The following CNTN5 variants were observed in gnomAD, a reference collection of about 807,000 sequenced individuals.
CNTN5 encodes the protein contactin 5.
In CNTN5, 77 loss-of-function variants were observed where a neutral mutation model predicts 129.1. The ratio of observed to expected loss-of-function variants is 0.60; its 90% CI spans 0.50 to 0.72. The LOEUF (loss-of-function observed/expected upper bound fraction) is 0.72. CNTN5 is among the 30% of genes least tolerant of loss of function. CNTN5 has a pLI of 0.00. For missense variants in CNTN5, 1,478 were observed against 1,328.8 expected (o/e 1.11, Z -1.75); for synonymous variants, 509 against 465.6 (o/e 1.09, Z -1.20).
chr11:100,252,114 T>C (rs2138714453), intron 16 of CNTN5, among the ~76,000 whole-genome samples: 1 of 152,284 alleles, frequency 6.6e-6, no homozygotes, highest in South Asian at 2.1e-4. Flanking sequence ...CCGTCCTAAC[T>C]GGGGTGAGAT....
At chr11:99,352,210 A>T (rs889256816) in intron 2 of CNTN5, among the ~76,000 whole-genome samples, 3 of 152,178 alleles carry the variant, frequency 2.0e-5, no homozygotes, top group African/African-American at 4.8e-5. Flanking sequence ...GTTCCCACAA[A>T]GACTGCTTTC....
At position 99,263,355 on chromosome 11, in the gene CNTN5, G is replaced by A. The variant is rs573927373; in HGVS notation, c.-209-61991G>A. On this transcript the variant is annotated intron_variant, in intron 1 of 24. Coordinates refer to ENST00000524871, the MANE Select transcript of CNTN5 (RefSeq NM_014361.4). ...TTGTGCATGTCAATTGAGCTTTATCGTCTTCAAATCTTATGAATATCAAAA... is the reference window on the plus strand; with the variant it reads ...TTGTGCATGTCAATTGAGCTTTATCATCTTCAAATCTTATGAATATCAAAA... 1.4e-4 allele frequency among the ~76,000 whole-genome samples: 22 copies of A among 152,086 alleles called. No homozygotes were observed. In the Middle Eastern group the frequency reaches 0.014, roughly 94 times the overall value.
chr11:100,051,284 C>T (rs752023329), intron 9 of CNTN5, among the ~76,000 whole-genome samples: 3 of 151,984 alleles, frequency 2.0e-5, no homozygotes, highest in Admixed American at 1.3e-4. Context: ...AGACTAAAAA[C>T]GAAGAGCGTA....
Position 99,986,007 on chromosome 11 carries a change from A to G in CNTN5, c.878-16027A>G, listed in dbSNP as rs190972686. Among the ~76,000 whole-genome samples, 132 of 152,304 alleles carry G rather than the reference A, an allele frequency of 8.7e-4. 1 individual carries two copies. Among genetic ancestry groups the G allele is most frequent in the African/African-American group, 2.8e-3 (117 of 41,562 alleles). On this transcript the variant is annotated intron_variant, in intron 8 of 24. Transcript: ENST00000524871. ...TTCATCACAATCTCAATTTCAAGTA[A>G]GCCATTTTCTGCTGAAAGCCTCTTT...
chr11:99,648,329 C>G (rs1952039551), intron 3 of CNTN5, among the ~76,000 whole-genome samples: 1 of 151,516 alleles, frequency 6.6e-6, no homozygotes, highest in African/African-American at 2.4e-5. Context: ...TTCAGCATTA[C>G]TAATGATCAG....
chr11:99,264,327 C>A (rs570902542), intron 1 of CNTN5, among the ~76,000 whole-genome samples: 1 of 151,580 alleles, frequency 6.6e-6, no homozygotes, highest in African/African-American at 2.4e-5. Flanking sequence ...CTTTTTTGCA[C>A]TTAATTATAA....
chr11:100,301,619 A>G (rs751572954), intron 20 of CNTN5, among the ~76,000 whole-genome samples: 2 of 151,660 alleles, frequency 1.3e-5, no homozygotes, highest in Admixed American at 6.6e-5. Context: ...TAAGTTTACA[A>G]ATGTGGAACT....
intron 13 of CNTN5, among the ~76,000 whole-genome samples, chr11:100,076,624 T>A (rs890891365): frequency 2.0e-4 from 30 of 152,070 alleles, no homozygotes; most frequent in Non-Finnish European, 3.2e-4. Flanking sequence ...TTTCTAGATG[T>A]CAATACTTCC....
intron 3 of CNTN5, among the ~76,000 whole-genome samples, chr11:99,576,432 C>T (rs980402610): frequency 3.3e-5 from 5 of 152,066 alleles, no homozygotes; most frequent in African/African-American, 1.2e-4. Flanking sequence ...GATATTTTCT[C>T]CTTATTGACA....
chr11:99,976,834 A>G (rs1938006453), intron 8 of CNTN5, among the ~76,000 whole-genome samples: 1 of 152,228 alleles, frequency 6.6e-6, no homozygotes, highest in African/African-American at 2.4e-5. Context: ...CTATTAACAT[A>G]TAGCTCCTAC....
At chr11:100,062,466 C>G (rs930623673) in intron 10 of CNTN5, among the ~76,000 whole-genome samples, 1 of 152,158 alleles carries the variant, frequency 6.6e-6, no homozygotes, top group Non-Finnish European at 1.5e-5. Context: ...TTCATTGATA[C>G]AGTTAATGTT....
chr11:100,294,790 A>T (rs1467439279), intron 18 of CNTN5, among the ~76,000 whole-genome samples: 4 of 151,658 alleles, frequency 2.6e-5, no homozygotes, highest in Non-Finnish European at 5.9e-5. Flanking sequence ...GATTAAGTCA[A>T]ATCCCTTCAG....
At position 99,765,658 on chromosome 11, in the gene CNTN5, A is replaced by G. The variant is rs543849208; in HGVS notation, c.56-53886A>G. On this transcript the variant is annotated intron_variant, in intron 3 of 24. Transcript: ENST00000524871. ...TCAGATGATCTAGAATGCTGTTACA[A>G]AAAAAGAAGCTAAGGAATGCTGGAA... Among the ~76,000 whole-genome samples, 8 of 151,260 alleles carry G rather than the reference A, an allele frequency of 5.3e-5. No homozygotes were observed. In the East Asian group the frequency reaches 1.4e-3, roughly 26 times the overall value.
intron 8 of CNTN5, among the ~76,000 whole-genome samples, chr11:99,999,992 C>T (rs1007228656): frequency 2.0e-5 from 3 of 146,412 alleles, no homozygotes; most frequent in African/African-American, 7.7e-5. Flanking sequence ...GAACATCACA[C>T]TCTGGGGACT....
chr11:100,088,545 C>T (rs976527312), intron 13 of CNTN5, among the ~76,000 whole-genome samples: 1 of 151,798 alleles, frequency 6.6e-6, no homozygotes, highest in Non-Finnish European at 1.5e-5. Flanking sequence ...TAAGAAATGA[C>T]AAAGGTCACA....
chr11:99,488,686 G>A lies in CNTN5; in HGVS notation c.-70-67459G>A, dbSNP rs757384435. 3.9e-5 allele frequency among the ~76,000 whole-genome samples: 6 copies of A among 152,154 alleles called. No individual in the cohort carries two copies. The South Asian group carries it at 8.3e-4, about 21-fold the overall frequency. On this transcript the variant is annotated intron_variant, in intron 2 of 24. Coordinates refer to ENST00000524871, the MANE Select transcript of CNTN5 (RefSeq NM_014361.4). ...TTAATTACATAGAATTGTGGAAAAT[G>A]TAATCTTCCTGTATACACTGCAAGA...
At chr11:99,670,297 A>G (rs187662474) in intron 3 of CNTN5, among the ~76,000 whole-genome samples, 1 of 152,156 alleles carries the variant, frequency 6.6e-6, no homozygotes, top group Non-Finnish European at 1.5e-5. Context: ...TTTTTAATTT[A>G]TATTAGGCTA....
chr11:99,497,881 T>C (rs1160704037), intron 2 of CNTN5, among the ~76,000 whole-genome samples: 1 of 152,164 alleles, frequency 6.6e-6, no homozygotes, highest in Non-Finnish European at 1.5e-5. Context: ...GAAATTTACC[T>C]AGGAAATTAA....
chr11:99,848,448 A>G (rs1440452217), intron 6 of CNTN5, among the ~76,000 whole-genome samples: 1 of 152,122 alleles, frequency 6.6e-6, no homozygotes, highest in Non-Finnish European at 1.5e-5. Context: ...TCATTATACA[A>G]CTAATATTTC....
Sources: allele counts gnomAD v4.1 joint callset (sites outside exome capture counted in the v4.1 genomes callset), GRCh38; gene constraint gnomAD v4.1.1; transcripts MANE v1.5; gene names NCBI Gene and HGNC (gene_info 2026-07-23, HGNC 2026-07-21).